The following UNC5D variants were observed in gnomAD, a reference collection of about 807,000 sequenced individuals.
UNC5D encodes netrin receptor UNC5D.
Under a neutral mutation model 105.4 loss-of-function variants are expected in UNC5D, and 39 were observed. The observed-to-expected ratio is 0.37, with a 90% CI of 0.29 to 0.48. UNC5D has a LOEUF of 0.48. UNC5D is among the 20% of genes least tolerant of loss of function. The probability of loss-of-function intolerance (pLI) is 0.98; values close to 1 mark genes in which losing one functional copy is unlikely to be tolerated. For synonymous variants in UNC5D, 452 were observed against 450.4 expected (o/e 1.00, Z -0.04); for missense variants, 991 against 1,202.4 (o/e 0.82, Z 2.60).
intron 1 of UNC5D, among the ~76,000 whole-genome samples, chr8:35,417,662 A>AT (rs1328243848): frequency 6.6e-6 from 1 of 151,956 alleles, no homozygotes; most frequent in African/African-American, 2.4e-5. Flanking sequence ...ACACCAATAA[A>AT]TTTTCTCTTT....
chr8:35,249,064 T>C (rs1312662471), intron 1 of UNC5D, among the ~76,000 whole-genome samples: 2 of 116,170 alleles, frequency 1.7e-5, no homozygotes, highest in Admixed American at 1.2e-4. Context: ...ATATATAAAA[T>C]ATATATAATA....
At chr8:35,591,408 GTTAAAA>G (rs1819166114) in intron 3 of UNC5D, among the ~76,000 whole-genome samples, 1 of 151,804 alleles carries the variant, frequency 6.6e-6, no homozygotes, top group Non-Finnish European at 1.5e-5. Context: ...TATTAATATT[GTTAAAA>G]TTAACAGTTT....
chr8:35,674,740 C>G (rs550736298), intron 4 of UNC5D, among the ~76,000 whole-genome samples: 1 of 152,310 alleles, frequency 6.6e-6, no homozygotes, highest in East Asian at 1.9e-4. Context: ...TCACCTCTGC[C>G]TGGTGCAGGC....
intron 1 of UNC5D, among the ~76,000 whole-genome samples, chr8:35,364,450 A>G (rs539617744): frequency 1.3e-5 from 2 of 152,242 alleles, no homozygotes; most frequent in African/African-American, 4.8e-5. Context: ...TGATACCACA[A>G]GCTATTCCAG....
At chr8:35,628,236 T>C (rs1355961428) in intron 4 of UNC5D, among the ~76,000 whole-genome samples, 1 of 152,130 alleles carries the variant, frequency 6.6e-6, no homozygotes, top group Non-Finnish European at 1.5e-5. Flanking sequence ...CAGGTCCGAC[T>C]GATTCTCGTG....
At chr8:35,725,950 G>A (rs1387063278) in intron 9 of UNC5D, among the ~76,000 whole-genome samples, 1 of 152,188 alleles carries the variant, frequency 6.6e-6, no homozygotes, top group Non-Finnish European at 1.5e-5. Context: ...GGCATTTAGA[G>A]AATGGACGGT....
chr8:35,631,620 C>A (rs1822050023), intron 4 of UNC5D, among the ~76,000 whole-genome samples: 1 of 152,222 alleles, frequency 6.6e-6, no homozygotes, highest in South Asian at 2.1e-4. Context: ...AAGTTGCTCA[C>A]TTCTCCAGCA....
At chr8:35,313,796 C>T (rs1809077708) in intron 1 of UNC5D, among the ~76,000 whole-genome samples, 1 of 152,058 alleles carries the variant, frequency 6.6e-6, no homozygotes. Flanking sequence ...ACAGTACAAC[C>T]CTCATAGGAT....
intron 1 of UNC5D, among the ~76,000 whole-genome samples, chr8:35,508,151 T>C (rs1247061513): frequency 1.3e-5 from 2 of 152,160 alleles, no homozygotes; most frequent in African/African-American, 4.8e-5. Context: ...GGGGTGAATA[T>C]ATGTGGAAGT....
chr8:35,252,567 G>C (rs1003322090), intron 1 of UNC5D, among the ~76,000 whole-genome samples: 45 of 152,194 alleles, frequency 3.0e-4, no homozygotes, highest in African/African-American at 1.1e-3. Flanking sequence ...TGTTTCATCT[G>C]TATTACTGCA....
In UNC5D at chr8:35,568,325, A is replaced by T. The variant is rs532561983; in HGVS notation, c.466+84A>T. The stretch of plus-strand genomic sequence containing the variant: ...TGAAGAGAGGTTTTACAGATGTCAG[A>T]TGCTTCTACAGAATGTAAATGAGAG... On this transcript the variant is annotated intron_variant, in intron 3 of 16. Transcript: ENST00000404895. 2.5e-5 allele frequency: 37 copies of T among 1,504,074 alleles called. No individual in the cohort carries two copies. In the South Asian group the frequency reaches 4.4e-4, roughly 18 times the overall value. 93.2% of individuals were successfully genotyped at this position (1,504,074 alleles called of 1,614,324 possible). A position where few individuals can be genotyped will look rare whatever the true frequency, so the allele number is the denominator to read the frequency against.
chr8:35,731,399 CAAAAAA>C (rs57529561), intron 11 of UNC5D, among the ~76,000 whole-genome samples: 5 of 30,654 alleles, frequency 1.6e-4, no homozygotes, highest in African/African-American at 3.2e-4. Flanking sequence ...ACTCTGTCTC[CAAAAAA>C]AAAAAAAAAA....
intron 4 of UNC5D, among the ~76,000 whole-genome samples, chr8:35,609,920 G>A (rs1043019130): frequency 6.6e-6 from 1 of 152,128 alleles, no homozygotes; most frequent in Admixed American, 6.5e-5. Context: ...ACCTTGGGGG[G>A]CATGTCCAAA....
intron 1 of UNC5D, among the ~76,000 whole-genome samples, chr8:35,495,266 T>G (rs887446966): frequency 6.6e-6 from 1 of 152,004 alleles, no homozygotes; most frequent in Admixed American, 6.6e-5. Context: ...ATATCTTTTT[T>G]CTAGCAAAAT....
At chr8:35,580,640 C>T (rs1401285572) in intron 3 of UNC5D, among the ~76,000 whole-genome samples, 2 of 152,030 alleles carry the variant, frequency 1.3e-5, no homozygotes, top group African/African-American at 4.8e-5. Context: ...TCAATGTGAT[C>T]TGACAATTGG....
intron 7 of UNC5D, among the ~76,000 whole-genome samples, chr8:35,689,945 C>T (rs1373948726): frequency 6.6e-6 from 1 of 152,154 alleles, no homozygotes; most frequent in Non-Finnish European, 1.5e-5. Context: ...ATTAAAACAG[C>T]TCAATCCATT....
At chr8:35,597,404 G>A (rs1350374013) in intron 4 of UNC5D, among the ~76,000 whole-genome samples, 4 of 152,144 alleles carry the variant, frequency 2.6e-5, no homozygotes, top group African/African-American at 4.8e-5. Flanking sequence ...TCAGGCAAGG[G>A]ACTGTATCCC....
intron 10 of UNC5D, among the ~76,000 whole-genome samples, chr8:35,729,988 G>A (rs971196864): frequency 2.0e-5 from 3 of 152,196 alleles, no homozygotes. Flanking sequence ...GATCAGGAAA[G>A]ACTGCCATCT....
intron 15 of UNC5D, among the ~76,000 whole-genome samples, chr8:35,768,558 G>A (rs902312732): frequency 2.0e-5 from 3 of 152,168 alleles, no homozygotes; most frequent in African/African-American, 7.2e-5. Flanking sequence ...CTAGATGTCC[G>A]TTAACAGGCC....
Sources: gnomAD v4.1 joint callset for allele counts (sites outside exome capture counted in the v4.1 genomes callset) on GRCh38, gnomAD v4.1.1 for gene constraint, MANE v1.5 for transcripts, NCBI Gene and HGNC (gene_info 2026-07-23, HGNC 2026-07-21) for gene names.